ZMYM1: variants seen among roughly 807,000 people sequenced by gnomAD.
ZMYM1 encodes zinc finger MYM-type protein 1.
A neutral mutation model predicts 60.0 loss-of-function variants in ZMYM1; 39 were observed. That is an observed-to-expected ratio of 0.65 (90% CI 0.50 to 0.85). ZMYM1 has a LOEUF of 0.85. ZMYM1 is among the 40% of genes least tolerant of loss of function. ZMYM1 has a pLI of 0.00. For synonymous variants in ZMYM1, 413 were observed against 454.0 expected, an observed-to-expected ratio of 0.91 and a Z score of 1.15; for missense variants, 1,171 against 1,309.5, an observed-to-expected ratio of 0.89 and a Z score of 1.63.
intron 2 of ZMYM1, among the ~76,000 whole-genome samples, chr1:35,095,229 G>C (rs556036680): frequency 6.6e-6 from 1 of 152,036 alleles, no homozygotes; most frequent in African/African-American, 2.4e-5. Context: ...AGCAGGGAAG[G>C]CTGGGTGTGG....
chr1:35,100,100 A>G (rs1643562200), intron 4 of ZMYM1, among the ~76,000 whole-genome samples: 1 of 152,112 alleles, frequency 6.6e-6, no homozygotes, highest in Non-Finnish European at 1.5e-5. Context: ...CATGTTGGCC[A>G]GGCTGGTCTC....
chr1:35,094,065 A>G lies in ZMYM1; in HGVS notation c.78A>G (p.Thr26=), dbSNP rs774607021. 13 of 1,609,926 alleles carry G rather than the reference A, an allele frequency of 8.1e-6. No homozygotes were observed. The highest frequency in any genetic ancestry group is 1.7e-4 in the Middle Eastern group (1 of 6,046). The part of the protein sequence containing the change: ...SQLGLLDEIK[T]EPDNAQEYCH... ...TGGGGCTGCTAGATGAAATTAAGAC[A>G]GAACCCGACAATGCTCAAGTAAATA... The change falls in exon 2 of 10, where the codon ACA becomes ACG. Residue 26 remains threonine (T), a synonymous_variant. Coordinates refer to ENST00000359858, the MANE Select transcript of ZMYM1 (RefSeq NM_024772.5).
chr1:35,086,934 C>T (rs2148498388), intron 1 of ZMYM1, among the ~76,000 whole-genome samples: 1 of 151,054 alleles, frequency 6.6e-6, no homozygotes, highest in Admixed American at 6.6e-5. Flanking sequence ...CCACCCACCT[C>T]AGCCTCCCAA....
Position 35,064,307 on chromosome 1 carries a change from AAAAAAAC to A in ZMYM1, c.-301+4391_-301+4397del, listed in dbSNP as rs1165934660. Among the ~76,000 whole-genome samples, 880 of 113,704 alleles carry A rather than the reference AAAAAAAC, an allele frequency of 7.7e-3. 17 individuals carry two copies. Among genetic ancestry groups the A allele is most frequent in the African/African-American group, 0.051 (832 of 16,386 alleles). The allele number at this position is 113,704 out of a possible 152,430, so 74.6% of individuals were successfully genotyped here. ...GATCCTGTCTCAAAAAAAAAAAAAA[AAAAAAAC>A]AAAAAACACTGAAAGGAGAAATAGA... is the stretch of plus-strand genomic sequence containing the variant. On this transcript the variant is annotated intron_variant, in intron 1 of 10. Coordinates refer to the ZMYM1 transcript ENST00000417119.
chr1:35,113,826 C>G lies in ZMYM1; in HGVS notation c.1996C>G (p.Pro666Ala). 1 of 1,613,466 alleles carries G rather than the reference C, an allele frequency of 6.2e-7. No homozygotes were observed. Among genetic ancestry groups the G allele is most frequent in the Non-Finnish European group, 8.5e-7 (1 of 1,179,784 alleles). The part of the protein sequence containing the change: ...KEQLSICVRY[P>A]QKSSKAILIK... ...ACAGCTTTCAATTTGTGTAAGATAC[C>G]CACAAAAATCATCAAAGGCTATCTT... The change falls in exon 10 of 10, where the codon CCA (proline) becomes GCA (alanine). Residue 666 changes from proline (P) to alanine (A), a missense_variant. Physicochemically the swap from Pro to Ala is conservative, Grantham distance 27. Coordinates refer to ENST00000359858, the MANE Select transcript of ZMYM1 (RefSeq NM_024772.5).
At chr1:35,072,673 C>T (rs896865346) in intron 1 of ZMYM1, among the ~76,000 whole-genome samples, 1 of 152,050 alleles carries the variant, frequency 6.6e-6, no homozygotes, top group Admixed American at 6.6e-5. Flanking sequence ...CTTGGCCAGG[C>T]GTGGTGGCTC....
intron 2 of ZMYM1, 32 bp from the exon 3 acceptor site, chr1:35,095,787 A>C: frequency 1.4e-6 from 2 of 1,480,528 alleles, no homozygotes; most frequent in Non-Finnish European, 1.8e-6. Flanking sequence ...TGTATTCACT[A>C]TTTTTAATTA....
In ZMYM1 at chr1:35,104,723, A is replaced by C; in HGVS notation, c.761A>C (p.Gln254Pro). The C allele has an allele frequency of 6.2e-7, 1 of 1,614,226 alleles. No individual in the cohort carries two copies. Among genetic ancestry groups the C allele is most frequent in the Non-Finnish European group, 8.5e-7 (1 of 1,180,026 alleles). The change falls in exon 6 of 10, where the codon CAG becomes CCG. Residue 254 changes from glutamine (Q) to proline (P), a missense_variant. By Grantham distance (76) the Gln-to-Pro change is moderately conservative (BLOSUM62 -1). Transcript: ENST00000359858. ...SLSHILQMEGQSHYFNSSKSI... is the reference protein window; with the variant it reads ...SLSHILQMEGPSHYFNSSKSI... Reference sequence around the variant, plus strand: ...TCCCACATACTTCAGATGGAAGGACAGTCTCATTACTTTAATAGTTCAAAG... The same window carrying C: ...TCCCACATACTTCAGATGGAAGGACCGTCTCATTACTTTAATAGTTCAAAG...
At position 35,113,477 on chromosome 1, in the gene ZMYM1, A is replaced by G. The variant is rs1479384577; in HGVS notation, c.1647A>G (p.Gly549=). ...CTATTCATTCGAAACAGATTGAGGGAAATAAAAAGTACCTAAAGCTTATAA... is the reference window on the plus strand; with the variant it reads ...CTATTCATTCGAAACAGATTGAGGGGAATAAAAAGTACCTAAAGCTTATAA... ...DLSIHSKQIE[G]NKKYLKLIIE... Residue 549 remains glycine (G), a synonymous_variant, in exon 10 of 10, where the codon GGA becomes GGG. Coordinates refer to ENST00000359858, the MANE Select transcript of ZMYM1 (RefSeq NM_024772.5). 2.5e-6 allele frequency: 4 copies of G among 1,612,172 alleles called. No individual in the cohort carries two copies. Among genetic ancestry groups the G allele is most frequent in the Non-Finnish European group, 3.4e-6 (4 of 1,179,540 alleles).
chr1:35,092,098 G>A (rs1423456434), intron 1 of ZMYM1, among the ~76,000 whole-genome samples: 1 of 151,880 alleles, frequency 6.6e-6, no homozygotes, highest in Non-Finnish European at 1.5e-5. Context: ...GCTAATTTTT[G>A]TATTTTTAGT....
At chr1:35,089,179 CTTTGT>C (rs1642850822) in intron 1 of ZMYM1, among the ~76,000 whole-genome samples, 1 of 152,074 alleles carries the variant, frequency 6.6e-6, no homozygotes, top group African/African-American at 2.4e-5. Context: ...CTCATAGGTA[CTTTGT>C]TTTGTTTTAT....
intron 1 of ZMYM1, among the ~76,000 whole-genome samples, chr1:35,091,214 ATATTTATT>A (rs377278111): frequency 1.3e-5 from 2 of 151,356 alleles, no homozygotes; most frequent in Admixed American, 6.6e-5. Context: ...TCAAGTGGAG[ATATTTATT>A]TATTTATTTA....
intron 1 of ZMYM1, among the ~76,000 whole-genome samples, chr1:35,092,281 G>A (rs1569922538): frequency 6.6e-6 from 1 of 151,738 alleles, no homozygotes; most frequent in African/African-American, 2.4e-5. Context: ...TTCCCAGGCT[G>A]GAGTGCAGTG....
At chr1:35,078,288 T>C (rs943592761), upstream of ZMYM1, among the ~76,000 whole-genome samples, 3 of 152,112 alleles carry the variant, frequency 2.0e-5, no homozygotes, top group Non-Finnish European at 4.4e-5. Context: ...TAGGAGGCCC[T>C]TTTGGTCTGG....
At chr1:35,086,366 G>T (rs1333948777) in intron 1 of ZMYM1, among the ~76,000 whole-genome samples, 1 of 151,814 alleles carries the variant, frequency 6.6e-6, no homozygotes, top group African/African-American at 2.4e-5. Context: ...GTGTGGTGGC[G>T]CAATCATATC....
intron 1 of ZMYM1, among the ~76,000 whole-genome samples, chr1:35,064,292 C>CAAAAAAAAAAAAAAAAAAA (rs371084383): frequency 1.8e-5 from 1 of 54,514 alleles, no homozygotes; most frequent in Non-Finnish European, 3.9e-5. Flanking sequence ...GATCCTGTCT[C>CAAAAAAAAAAAAAAAAAAA]AAAAAAAAAA....
At chr1:35,073,449 G>C (rs1417208411) in intron 1 of ZMYM1, among the ~76,000 whole-genome samples, 5 of 151,362 alleles carry the variant, frequency 3.3e-5, no homozygotes, top group African/African-American at 4.9e-5. Flanking sequence ...TGTAGTCCCA[G>C]CTACTCAGGA....
chr1:35,067,125 C>A (rs1641985521), intron 1 of ZMYM1, among the ~76,000 whole-genome samples: 1 of 151,648 alleles, frequency 6.6e-6, no homozygotes, highest in Non-Finnish European at 1.5e-5. Context: ...ATTACAGGCA[C>A]ACGCCACTAC....
chr1:35,084,824 A>C (rs898191433), intron 1 of ZMYM1, among the ~76,000 whole-genome samples: 4 of 152,004 alleles, frequency 2.6e-5, no homozygotes, highest in African/African-American at 9.7e-5. Flanking sequence ...ATTTTTCTGT[A>C]GTTCCCTCCT....
Sources: allele counts gnomAD v4.1 joint callset (sites outside exome capture counted in the v4.1 genomes callset), GRCh38; gene constraint gnomAD v4.1.1; transcripts MANE v1.5; gene names NCBI Gene and HGNC (gene_info 2026-07-23, HGNC 2026-07-21).